The following PYM1 variants were observed in gnomAD, a reference collection of about 807,000 sequenced individuals.
PYM1 encodes partner of Y14 and mago.
A neutral mutation model predicts 20.7 loss-of-function variants in PYM1; 7 were observed. That is an observed-to-expected ratio of 0.34 (90% CI 0.19 to 0.64). The LOEUF is 0.64. Ranked by LOEUF, PYM1 falls within the 30% of genes least tolerant of loss-of-function variation. PYM1 has a pLI of 0.74. For missense variants in PYM1, 194 were observed against 250.0 expected (o/e 0.78, Z 1.51); for synonymous variants, 100 against 99.2 (o/e 1.01, Z -0.05).
chr12:55,924,910 C>G (rs1384414297), intron 1 of PYM1, among the ~76,000 whole-genome samples: 1 of 152,228 alleles, frequency 6.6e-6, no homozygotes, highest in African/African-American at 2.4e-5. Flanking sequence ...GTCTTGAACC[C>G]CTGACCTCAG....
In PYM1 at chr12:55,927,817, G is replaced by GGCT; in HGVS notation, c.-57_-56insAGC. The GGCT allele has an allele frequency of 6.6e-7, 1 of 1,519,062 alleles. No individual in the cohort carries two copies. 94.1% of individuals were successfully genotyped at this position (1,519,062 alleles called of 1,614,324 possible). ...GGCGGCCCTGGCCTGGCTCTGCCCC[G>GGCT]CTGGGCGGCGCCGGGGATTCGGCGG... On this transcript the variant is annotated 5_prime_UTR_variant, in exon 1 of 3. Coordinates refer to ENST00000408946, the MANE Select transcript of PYM1 (RefSeq NM_032345.3).
intron 1 of PYM1, chr12:55,927,201 T>TC: frequency 2.6e-6 from 4 of 1,532,574 alleles, no homozygotes; most frequent in Non-Finnish European, 3.5e-6. Flanking sequence ...CAAGCCACCA[T>TC]CTTAGTCTTA....
In PYM1 at chr12:55,921,846, G is replaced by GA. The variant is rs1450141944; in HGVS notation, c.37+5878dup. ...ATATACATAAATTAATAAAGGAAAAGAAAAAAATCTCCTGGGCAGAAAAAT... is the reference window on the plus strand; with the variant it reads ...ATATACATAAATTAATAAAGGAAAAGAAAAAAAATCTCCTGGGCAGAAAAAT... On this transcript the variant is annotated intron_variant, in intron 1 of 2. Transcript: ENST00000408946. Among the ~76,000 whole-genome samples the GA allele has an allele frequency of 2.6e-5, 4 of 152,092 alleles. No individual in the cohort carries two copies. In the East Asian group the frequency reaches 7.7e-4, roughly 29 times the overall value.
chr12:55,923,186 T>C (rs1883130048), intron 1 of PYM1, among the ~76,000 whole-genome samples: 1 of 151,940 alleles, frequency 6.6e-6, no homozygotes, highest in Non-Finnish European at 1.5e-5. Context: ...ATCTCACCAT[T>C]GCACTCCAGC....
intron 1 of PYM1, among the ~76,000 whole-genome samples, chr12:55,924,066 A>C (rs907293573): frequency 6.7e-6 from 1 of 149,484 alleles, no homozygotes; most frequent in African/African-American, 2.5e-5. Context: ...ACAGAGTGAG[A>C]CTCTGTCTCA....
At chr12:55,903,314 G>T in intron 2 of PYM1, 73 bp downstream of exon 2, 3 of 1,354,326 alleles carry the variant, frequency 2.2e-6, no homozygotes, top group Non-Finnish European at 3.1e-6. Context: ...CCCTGAACTT[G>T]TAGGCATAAG....
At chr12:55,921,791 T>C (rs1052586071) in intron 1 of PYM1, among the ~76,000 whole-genome samples, 3 of 152,108 alleles carry the variant, frequency 2.0e-5, no homozygotes, top group African/African-American at 7.2e-5. Context: ...TAACCTAACA[T>C]ATAAAATACA....
At chr12:55,927,297 G>A in intron 1 of PYM1, 1 of 871,552 alleles carries the variant, frequency 1.1e-6, no homozygotes, top group South Asian at 1.4e-5. Flanking sequence ...AAAGCCGTGG[G>A]CTTTTTACTG....
chr12:55,924,336 AG>A (rs1883152862), intron 1 of PYM1, among the ~76,000 whole-genome samples: 2 of 152,148 alleles, frequency 1.3e-5, no homozygotes, highest in Admixed American at 1.3e-4. Flanking sequence ...AAATATCAGG[AG>A]ATTTCTTCAT....
intron 1 of PYM1, among the ~76,000 whole-genome samples, chr12:55,907,042 C>A (rs1272028525): frequency 6.6e-6 from 1 of 150,660 alleles, no homozygotes; most frequent in Admixed American, 6.6e-5. Context: ...GGACACATAC[C>A]AAACTGTTAA....
At chr12:55,923,132 G>C (rs1251713417) in intron 1 of PYM1, among the ~76,000 whole-genome samples, 2 of 152,220 alleles carry the variant, frequency 1.3e-5, no homozygotes, top group Admixed American at 6.5e-5. Flanking sequence ...GCTGAGGCAG[G>C]AGAATCACTT....
chr12:55,909,821 T>C (rs1204591570), intron 1 of PYM1, among the ~76,000 whole-genome samples: 1 of 152,096 alleles, frequency 6.6e-6, no homozygotes, highest in East Asian at 1.9e-4. Context: ...ATGTCCACAA[T>C]TTACCATAAA....
chr12:55,908,397 C>A (rs1882862746), intron 1 of PYM1, among the ~76,000 whole-genome samples: 3 of 149,808 alleles, frequency 2.0e-5, no homozygotes, highest in South Asian at 4.2e-4. Context: ...CTACTGCACT[C>A]CAGCTTGGGC....
chr12:55,912,933 C>T (rs1231660285), intron 1 of PYM1, among the ~76,000 whole-genome samples: 1 of 151,742 alleles, frequency 6.6e-6, no homozygotes, highest in African/African-American at 2.4e-5. Flanking sequence ...CATTGCACTC[C>T]AGCCTGGGCA....
At chr12:55,914,143 A>G in intron 1 of PYM1, 4 of 549,840 alleles carry the variant, frequency 7.3e-6, no homozygotes, top group South Asian at 2.7e-5. Flanking sequence ...AGTTGATTGC[A>G]TAGAGATTAT....
chr12:55,902,931 CTGA>C (rs1882721922), intron 2 of PYM1, among the ~76,000 whole-genome samples: 2 of 152,136 alleles, frequency 1.3e-5, no homozygotes, highest in African/African-American at 4.8e-5. Flanking sequence ...CCACGCCTGG[CTGA>C]TGTTTGTATT....
rs1251848290 is a variant in PYM1 at position 55,927,857 on chromosome 12, C to T, written c.-96G>A. 2 of 1,463,766 alleles carry T rather than the reference C, an allele frequency of 1.4e-6. No individual in the cohort carries two copies. The highest frequency in any genetic ancestry group is 1.3e-5 in the South Asian group (1 of 78,640). 90.7% of individuals were successfully genotyped at this position (1,463,766 alleles called of 1,614,324 possible). On this transcript the variant is annotated 5_prime_UTR_variant, in exon 1 of 3. Coordinates refer to ENST00000408946, the MANE Select transcript of PYM1 (RefSeq NM_032345.3). Reference sequence around the variant, plus strand: ...GGATTCGGCGGCGAAGTGATGAGGGCCCTAGTTGCTTCTCGCCCAGACCTC... The same window carrying T: ...GGATTCGGCGGCGAAGTGATGAGGGTCCTAGTTGCTTCTCGCCCAGACCTC...
intron 1 of PYM1, chr12:55,927,060 C>T (rs1433282965): frequency 1.3e-6 from 2 of 1,491,618 alleles, no homozygotes; most frequent in Admixed American, 2.2e-5. Context: ...AGCGGCTCCG[C>T]GCCTCCCGCA....
intron 1 of PYM1, among the ~76,000 whole-genome samples, chr12:55,911,216 C>A (rs1414466076): frequency 6.6e-6 from 1 of 152,168 alleles, no homozygotes; most frequent in African/African-American, 2.4e-5. Context: ...TCAAACGATT[C>A]TCCTGCCTCA....
Sources: allele counts gnomAD v4.1 joint callset (sites outside exome capture counted in the v4.1 genomes callset), GRCh38; gene constraint gnomAD v4.1.1; transcripts MANE v1.5; gene names NCBI Gene and HGNC (gene_info 2026-07-23, HGNC 2026-07-21).